SLX4IP: variants seen among roughly 807,000 people sequenced by gnomAD.
SLX4IP encodes protein SLX4IP.
SLX4IP carries 34 observed loss-of-function variants against 32.9 expected under a neutral mutation model. The ratio of observed to expected loss-of-function variants is 1.03; its 90% CI spans 0.79 to 1.38. The LOEUF is 1.38. Ranked by LOEUF, SLX4IP falls within the 40% of genes most tolerant of loss-of-function variation. The pLI is 0.00. For missense variants in SLX4IP, 444 were observed against 479.0 expected, an observed-to-expected ratio of 0.93 and a Z score of 0.68; for synonymous variants, 172 against 171.7, an observed-to-expected ratio of 1.00 and a Z score of -0.01.
chr20:10,622,720 G>C lies in SLX4IP; in HGVS notation c.568G>C (p.Val190Leu). ...TSKSQTRRDTVETSSDSVIAE... is the reference protein window; with the variant it reads ...TSKSQTRRDTLETSSDSVIAE... ...CAAATCGCAGACCAGAAGAGACACT[G>C]TGGAAACATCTAGTGACTCAGTGAT... Residue 190 changes from valine to leucine, a missense_variant, in exon 8 of 8, where the codon GTG (valine) becomes CTG (leucine). Transcript: ENST00000334534. The C allele has an allele frequency of 6.2e-7, 1 of 1,614,012 alleles. No individual in the cohort carries two copies. The highest frequency in any genetic ancestry group is 8.5e-7 in the Non-Finnish European group (1 of 1,180,030).
At chr20:10,558,642 C>T (rs770360400) in intron 3 of SLX4IP, among the ~76,000 whole-genome samples, 24 of 152,298 alleles carry the variant, frequency 1.6e-4, no homozygotes, top group African/African-American at 3.4e-4. Context: ...GAGTGCAGCA[C>T]GAGTAGTCTT....
intron 6 of SLX4IP, among the ~76,000 whole-genome samples, chr20:10,612,090 G>C (rs1425078775): frequency 6.6e-6 from 1 of 152,190 alleles, no homozygotes; most frequent in Non-Finnish European, 1.5e-5. Context: ...GACCAGATGA[G>C]ATGTTGGGAA....
chr20:10,443,408 C>T (rs369124725), intron 1 of SLX4IP, among the ~76,000 whole-genome samples: 29 of 152,174 alleles, frequency 1.9e-4, no homozygotes, highest in African/African-American at 4.3e-4. Context: ...GTGGGCTAAG[C>T]GTGAGAGTAG....
At chr20:10,529,992 C>A (rs2065974488) in intron 2 of SLX4IP, among the ~76,000 whole-genome samples, 1 of 152,208 alleles carries the variant, frequency 6.6e-6, no homozygotes, top group African/African-American at 2.4e-5. Context: ...GATTCTAGTT[C>A]TCTCTGTTGA....
At chr20:10,601,932 G>A (rs1480266193) in intron 6 of SLX4IP, 113 bp downstream of exon 6, 12 of 873,850 alleles carry the variant, frequency 1.4e-5, no homozygotes, top group African/African-American at 1.2e-4. Flanking sequence ...AGCACCCAAC[G>A]CATGTTTTAA....
intron 2 of SLX4IP, among the ~76,000 whole-genome samples, chr20:10,532,500 C>T (rs1325901789): frequency 6.6e-6 from 1 of 152,140 alleles, no homozygotes; most frequent in Non-Finnish European, 1.5e-5. Flanking sequence ...TGTTGGCTTA[C>T]CCTTGATTGG....
chr20:10,453,680 CAATT>C (rs2065261894), intron 1 of SLX4IP, among the ~76,000 whole-genome samples: 1 of 151,936 alleles, frequency 6.6e-6, no homozygotes, highest in Non-Finnish European at 1.5e-5. Flanking sequence ...GGTTTGGAAC[CAATT>C]CTGACTCCTG....
intron 2 of SLX4IP, among the ~76,000 whole-genome samples, chr20:10,546,236 G>A (rs74938621): frequency 0.017 from 2,591 of 152,288 alleles, 55 homozygotes; most frequent in African/African-American, 0.048. Flanking sequence ...GGGGCCTTAC[G>A]GACGAGTACA....
chr20:10,494,692 T>G (rs961496901), intron 2 of SLX4IP, among the ~76,000 whole-genome samples: 3 of 152,118 alleles, frequency 2.0e-5, no homozygotes, highest in Non-Finnish European at 2.9e-5. Flanking sequence ...TTTCTTCCTT[T>G]TACCCTCTTG....
chr20:10,448,128 T>C (rs6039943), intron 1 of SLX4IP, among the ~76,000 whole-genome samples: 74,448 of 151,850 alleles, frequency 0.49, 19,713 homozygotes, highest in Non-Finnish European at 0.6. Flanking sequence ...AAAATTGCTT[T>C]TAGATTATTG....
chr20:10,592,352 C>CT (rs2066718846), intron 4 of SLX4IP, among the ~76,000 whole-genome samples: 1 of 148,508 alleles, frequency 6.7e-6, no homozygotes, highest in African/African-American at 2.6e-5. Flanking sequence ...TCCAACCCCC[C>CT]CCCATCACCA....
At chr20:10,562,961 T>G (rs2066349077) in intron 4 of SLX4IP, among the ~76,000 whole-genome samples, 1 of 152,232 alleles carries the variant, frequency 6.6e-6, no homozygotes, top group Non-Finnish European at 1.5e-5. Context: ...ATGGTAATTC[T>G]ATTTGTAGAT....
intron 1 of SLX4IP, among the ~76,000 whole-genome samples, chr20:10,447,990 C>A (rs570342376): frequency 7.2e-5 from 11 of 152,052 alleles, no homozygotes; most frequent in Non-Finnish European, 1.6e-4. Context: ...CAGGTGTGAG[C>A]CACTGAACCC....
In SLX4IP at chr20:10,556,236, G is replaced by GA. The variant is rs757115597; in HGVS notation, c.35dup (p.Asn12LysfsTer24). 1 of 1,613,362 alleles carries GA rather than the reference G, an allele frequency of 6.2e-7. No individual in the cohort carries two copies. The highest frequency in any genetic ancestry group is 8.5e-7 in the Non-Finnish European group (1 of 1,179,780). On this transcript the variant is annotated frameshift_variant, in exon 3 of 8. Transcript: ENST00000334534. LOFTEE classifies it high-confidence loss of function. ...CTGCCATTAATGTCTTTCAGTGTGG[G>GA]AATTTTGCTGTCCTCGTGGATCTTC...
chr20:10,469,259 C>CT (rs973103697), intron 2 of SLX4IP, among the ~76,000 whole-genome samples: 1 of 151,840 alleles, frequency 6.6e-6, no homozygotes. Flanking sequence ...TCTTACTGGT[C>CT]TTTTTTTCAG....
At chr20:10,590,402 C>A (rs892158040) in intron 4 of SLX4IP, among the ~76,000 whole-genome samples, 15 of 151,738 alleles carry the variant, frequency 9.9e-5, no homozygotes, top group African/African-American at 3.6e-4. Context: ...GCTCTGTCAC[C>A]CAGGCTGGAG....
intron 4 of SLX4IP, among the ~76,000 whole-genome samples, chr20:10,581,189 G>T (rs1451281106): frequency 6.6e-6 from 1 of 152,094 alleles, no homozygotes; most frequent in Non-Finnish European, 1.5e-5. Context: ...GTGGTAGAGA[G>T]CAGCAGCAGC....
At chr20:10,496,061 G>T (rs1422370676) in intron 2 of SLX4IP, among the ~76,000 whole-genome samples, 3 of 150,536 alleles carry the variant, frequency 2.0e-5, no homozygotes, top group African/African-American at 7.3e-5. Context: ...CCTATTCATT[G>T]GTTCCATTTA....
intron 4 of SLX4IP, among the ~76,000 whole-genome samples, chr20:10,568,855 G>A (rs6040028): frequency 0.21 from 31,906 of 152,128 alleles, 3,495 homozygotes; most frequent in African/African-American, 0.24. Context: ...TGTGCCCTTC[G>A]TGAGATGAAT....
Sources: gnomAD v4.1 joint callset for allele counts (sites outside exome capture counted in the v4.1 genomes callset) on GRCh38, gnomAD v4.1.1 for gene constraint, MANE v1.5 for transcripts, NCBI Gene and HGNC (gene_info 2026-07-23, HGNC 2026-07-21) for gene names.